Variants in PP2D1 observed in about 807,000 individuals in gnomAD.
PP2D1 encodes protein phosphatase 2C like domain containing 1, also known as protein phosphatase 2C-like domain-containing protein 1.
PP2D1 carries 25 observed loss-of-function variants against 30.2 expected under a neutral mutation model. The ratio of observed to expected loss-of-function variants is 0.83; its 90% CI spans 0.60 to 1.16. The LOEUF (loss-of-function observed/expected upper bound fraction) is 1.16. Ranked by LOEUF, PP2D1 falls within the 50% of genes most tolerant of loss-of-function variation. The pLI, the probability that PP2D1 is intolerant of heterozygous loss-of-function variation, is 0.00. For missense variants in PP2D1, 760 were observed against 742.4 expected, an observed-to-expected ratio of 1.02 and a Z score of -0.28; for synonymous variants, 260 against 258.9, an observed-to-expected ratio of 1.00 and a Z score of -0.04.
intron 2 of PP2D1, among the ~76,000 whole-genome samples, chr3:19,989,801 T>A (rs967074550): frequency 1.6e-4 from 25 of 152,324 alleles, no homozygotes; most frequent in African/African-American, 5.8e-4. Context: ...AATAGTCAAA[T>A]CTATTGACTT....
intron 1 of PP2D1, among the ~76,000 whole-genome samples, chr3:20,003,004 G>A (rs547183629): frequency 3.0e-4 from 46 of 151,974 alleles, no homozygotes; most frequent in African/African-American, 1.1e-3. Context: ...GCAGTGAGCC[G>A]AGATGGTGCC....
chr3:20,000,091 C>T (rs1383165106), intron 2 of PP2D1, among the ~76,000 whole-genome samples: 2 of 152,178 alleles, frequency 1.3e-5, no homozygotes, highest in African/African-American at 4.8e-5. Flanking sequence ...CGCGGAGGCC[C>T]AGCCTCCTCA....
At chr3:19,994,092 A>C (rs963930092) in intron 2 of PP2D1, among the ~76,000 whole-genome samples, 4 of 152,000 alleles carry the variant, frequency 2.6e-5, no homozygotes, top group African/African-American at 9.7e-5. Context: ...AAACCTAGGG[A>C]TTGTCCAAGA....
At chr3:19,983,834 T>C, downstream of PP2D1, 1 of 1,528,976 alleles carries the variant, frequency 6.5e-7, no homozygotes, top group Non-Finnish European at 9.0e-7. Context: ...ACCTCTAGTT[T>C]GAACTAGCTG....
rs1575087330 is a variant in PP2D1 at position 20,001,271 on chromosome 3, G to T, written c.849C>A (p.His283Gln). Residue 283 changes from histidine to glutamine, a missense_variant, in exon 2 of 3, where the codon CAC becomes CAA. By Grantham distance (24) the His-to-Gln change is conservative. Around this residue, in one of 3 missense-constraint regions of PP2D1, gnomAD observed 374 missense variants for 388.8 expected, o/e 0.96. Coordinates refer to ENST00000389050, the MANE Select transcript of PP2D1 (RefSeq NM_001252657.2). ...EAVRCEYEDT[H>Q]KAFAKAFWRM... Reference sequence around the variant, plus strand: ...TCCAAAATGCTTTTGCAAAGGCTTTGTGTGTGTCCTCATACTCACACCTCA... The same window carrying T: ...TCCAAAATGCTTTTGCAAAGGCTTTTTGTGTGTCCTCATACTCACACCTCA... 1.3e-6 allele frequency: 2 copies of T among 1,536,124 alleles called. No homozygotes were observed. The highest frequency in any genetic ancestry group is 4.9e-5 in the East Asian group (2 of 40,916).
At chr3:19,987,647 C>T (rs1314676935) in intron 2 of PP2D1, among the ~76,000 whole-genome samples, 4 of 152,098 alleles carry the variant, frequency 2.6e-5, no homozygotes, top group African/African-American at 9.7e-5. Context: ...TGGTGGCTTA[C>T]ACCTGTAATC....
At chr3:20,009,255 A>T (rs1420132224) in intron 1 of PP2D1, among the ~76,000 whole-genome samples, 1 of 152,122 alleles carries the variant, frequency 6.6e-6, no homozygotes, top group African/African-American at 2.4e-5. Context: ...TGAGGCCAGG[A>T]GTTGGGGACC....
chr3:20,003,281 C>T (rs370050557), intron 1 of PP2D1, among the ~76,000 whole-genome samples: 195 of 151,784 alleles, frequency 1.3e-3, no homozygotes, highest in African/African-American at 4.4e-3. Context: ...ATGACAACTC[C>T]GTGTGTTATT....
At chr3:20,010,829 T>A (rs1464681133) in intron 1 of PP2D1, among the ~76,000 whole-genome samples, 1 of 151,394 alleles carries the variant, frequency 6.6e-6, no homozygotes, top group Non-Finnish European at 1.5e-5. Flanking sequence ...TAAATAAATA[T>A]ATAAAAATAA....
downstream of PP2D1, among the ~76,000 whole-genome samples, chr3:19,980,445 A>ATTT (rs11441052): frequency 2.0e-5 from 3 of 148,082 alleles, no homozygotes; most frequent in African/African-American, 5.0e-5. Flanking sequence ...AGGTTAGTAA[A>ATTT]TTTTTTTTTC....
intron 2 of PP2D1, among the ~76,000 whole-genome samples, chr3:19,993,701 C>G (rs1024374886): frequency 3.9e-5 from 6 of 152,184 alleles, no homozygotes; most frequent in African/African-American, 1.4e-4. Flanking sequence ...GATCGAGCCA[C>G]TCTACTCCAG....
downstream of PP2D1, among the ~76,000 whole-genome samples, chr3:19,980,445 A>ATTTTT (rs11441052): frequency 8.1e-5 from 12 of 148,170 alleles, no homozygotes; most frequent in Non-Finnish European, 8.9e-5. Flanking sequence ...AGGTTAGTAA[A>ATTTTT]TTTTTTTTTC....
chr3:19,992,474 A>G (rs1203387716), intron 2 of PP2D1, among the ~76,000 whole-genome samples: 1 of 152,210 alleles, frequency 6.6e-6, no homozygotes, highest in Non-Finnish European at 1.5e-5. Flanking sequence ...GGAAAACGGT[A>G]GGGATGGGGA....
downstream of PP2D1, among the ~76,000 whole-genome samples, chr3:19,981,310 A>T (rs759510072): frequency 2.0e-4 from 30 of 152,300 alleles, no homozygotes; most frequent in Non-Finnish European, 4.3e-4. Flanking sequence ...ATCATAAATT[A>T]AAAATATCAT....
At position 19,985,534 on chromosome 3, in the gene PP2D1, T is replaced by C. The variant is rs1697016341; in HGVS notation, c.1739A>G (p.Asn580Ser). 1 of 1,535,988 alleles carries C rather than the reference T, an allele frequency of 6.5e-7. No homozygotes were observed. Among genetic ancestry groups the C allele is most frequent in the Admixed American group, 2.0e-5 (1 of 50,982 alleles). ...ACTCTTAGTGTCTGATTCTTTTTCA[T>C]TTGTTGCCACATCATTTACACTAGT... Reference protein sequence around the residue: ...RPTSVNDVATNEKESDTKSFY... With the variant: ...RPTSVNDVATSEKESDTKSFY... Residue 580 changes from asparagine to serine, a missense_variant, in exon 3 of 3, where the codon AAT (asparagine) becomes AGT (serine). Physicochemically the swap from Asn to Ser is conservative, Grantham distance 46 (BLOSUM62 1). This residue lies in a region of PP2D1 where 369 missense variants were observed against 316.2 expected (regional missense o/e 1.17). Coordinates refer to ENST00000389050, the MANE Select transcript of PP2D1 (RefSeq NM_001252657.2).
intron 1 of PP2D1, 63 bp from the exon 2 acceptor site, chr3:20,002,159 GC>G: frequency 9.5e-7 from 1 of 1,055,366 alleles, no homozygotes; most frequent in Non-Finnish European, 1.4e-6. Flanking sequence ...CTTCAAGCAG[GC>G]TGTTATCATT....
chr3:19,981,716 G>A (rs540557460), downstream of PP2D1, among the ~76,000 whole-genome samples: 70 of 152,204 alleles, frequency 4.6e-4, no homozygotes, highest in Non-Finnish European at 9.4e-4. Flanking sequence ...CAGCAGGTAA[G>A]TTTTTTTAAT....
chr3:19,996,740 A>G (rs1465020173), intron 2 of PP2D1: 8 of 152,082 alleles, frequency 5.3e-5, no homozygotes. Context: ...AAAAAGCACC[A>G]TGATCAAGTG....
intron 1 of PP2D1, among the ~76,000 whole-genome samples, chr3:20,006,519 C>T (rs1697319877): frequency 6.6e-6 from 1 of 152,154 alleles, no homozygotes; most frequent in Admixed American, 6.5e-5. Flanking sequence ...TGTTGCCTCA[C>T]TGTGTCACCC....
Sources: allele counts gnomAD v4.1 joint callset (sites outside exome capture counted in the v4.1 genomes callset), GRCh38; gene constraint gnomAD v4.1.1; regional missense constraint gnomAD v4.1.1; transcripts MANE v1.5; gene names NCBI Gene and HGNC (gene_info 2026-07-23, HGNC 2026-07-21).